CRISPLD2: variants seen among roughly 807,000 people sequenced by gnomAD.
CRISPLD2 encodes cysteine-rich secretory protein LCCL domain-containing 2.
In CRISPLD2, 47 loss-of-function variants were observed where a neutral mutation model predicts 71.1. That is an observed-to-expected ratio of 0.66 (90% CI 0.52 to 0.84). CRISPLD2 has a LOEUF of 0.84. Ranked by LOEUF, CRISPLD2 falls within the 40% of genes least tolerant of loss-of-function variation. The pLI is 0.00. For synonymous variants in CRISPLD2, 317 were observed against 250.1 expected, an observed-to-expected ratio of 1.27 and a Z score of -2.52; for missense variants, 830 against 651.1, an observed-to-expected ratio of 1.27 and a Z score of -2.99.
chr16:84,827,171 G>T (rs1229783548), intron 1 of CRISPLD2, among the ~76,000 whole-genome samples: 1 of 141,300 alleles, frequency 7.1e-6, no homozygotes, highest in East Asian at 2.2e-4. Context: ...GGACTTCTAA[G>T]GGCACAGGCT....
At chr16:84,884,923 A>C (rs16974837) in intron 13 of CRISPLD2, among the ~76,000 whole-genome samples, 4,692 of 152,268 alleles carry the variant, frequency 0.031, 242 homozygotes, top group African/African-American at 0.11. Context: ...AGTTTGTGAC[A>C]CCGAAGGGAT....
At chr16:84,869,884 A>G (rs910070251) in intron 8 of CRISPLD2, among the ~76,000 whole-genome samples, 2 of 152,226 alleles carry the variant, frequency 1.3e-5, no homozygotes, top group Non-Finnish European at 2.9e-5. Flanking sequence ...GTGAGCACGT[A>G]TTGGAGAACA....
intron 14 of CRISPLD2, among the ~76,000 whole-genome samples, chr16:84,905,525 A>G (rs2071793820): frequency 6.6e-6 from 1 of 151,110 alleles, no homozygotes; most frequent in Non-Finnish European, 1.5e-5. Flanking sequence ...TCAACCTTCA[A>G]CTAGCTGGGA....
Position 84,888,508 on chromosome 16 carries a change from C to G in CRISPLD2, c.1306-722C>G, listed in dbSNP as rs150815034. The stretch of plus-strand genomic sequence containing the variant: ...CTGAACTCCTTGATGATGTCAGAAA[C>G]CAGCACATCCTGCCTCTGCGAGGTA... On this transcript the variant is annotated intron_variant, in intron 13 of 14. Coordinates refer to ENST00000262424, the MANE Select transcript of CRISPLD2 (RefSeq NM_031476.4). 5.2e-3 allele frequency among the ~76,000 whole-genome samples: 798 copies of G among 152,334 alleles called. 24 individuals are homozygous for G. The highest frequency in any genetic ancestry group is 0.049 in the Admixed American group (745 of 15,306).
chr16:84,903,462 C>T (rs1038955690), intron 14 of CRISPLD2, among the ~76,000 whole-genome samples: 1 of 152,090 alleles, frequency 6.6e-6, no homozygotes, highest in Non-Finnish European at 1.5e-5. Flanking sequence ...TGTGGTGGCG[C>T]ATGCCTGTAA....
intron 1 of CRISPLD2, among the ~76,000 whole-genome samples, chr16:84,827,264 C>A (rs1255511769): frequency 6.6e-6 from 1 of 152,142 alleles, no homozygotes; most frequent in African/African-American, 2.4e-5. Context: ...TGGTTGAGCA[C>A]CGTGTCTGCG....
chr16:84,900,539 TGGGAGGCATCACACAGC>T (rs2071744381), intron 14 of CRISPLD2, among the ~76,000 whole-genome samples: 14 of 7,262 alleles, frequency 1.9e-3, no homozygotes, highest in East Asian at 0.031. Context: ...CACACAGCGC[TGGGAGGCATCACACAGC>T]GCTGGGAGGC....
intron 1 of CRISPLD2, among the ~76,000 whole-genome samples, chr16:84,823,511 G>C (rs978003311): frequency 1.2e-4 from 19 of 152,168 alleles, no homozygotes; most frequent in African/African-American, 4.1e-4. Context: ...CTTCTCCATG[G>C]GTGCAGGGAA....
rs140101155 is a variant in CRISPLD2 at position 84,909,403 on chromosome 16, T to G, written c.*2761T>G. The G allele has an allele frequency of 1.3e-5, 2 of 152,828 alleles. No homozygotes were observed. The highest frequency in any genetic ancestry group is 3.9e-4 in the East Asian group (2 of 5,192). 9.5% of individuals were successfully genotyped at this position (152,828 alleles called of 1,614,324 possible). A position where few individuals can be genotyped will look rare whatever the true frequency, so the allele number is the denominator to read the frequency against. On this transcript the variant is annotated 3_prime_UTR_variant, in exon 15 of 15. Coordinates refer to ENST00000262424, the MANE Select transcript of CRISPLD2 (RefSeq NM_031476.4). ...GTGCTTTGCATGAACAGGGGCCACG[T>G]TGTTGCAATTGTTTCAGTAGAACTG...
At position 84,880,537 on chromosome 16, in the gene CRISPLD2, G is replaced by A. The variant is rs763668278; in HGVS notation, c.1258G>A (p.Glu420Lys). The A allele has an allele frequency of 7.4e-6, 12 of 1,613,536 alleles. No homozygotes were observed. The highest frequency in any genetic ancestry group is 2.7e-5 in the African/African-American group (2 of 74,862). ...RIHCPAHCKDEPSYWAPVFGT... is the reference protein window; with the variant it reads ...RIHCPAHCKDKPSYWAPVFGT... Reference sequence around the variant, plus strand: ...CCATTGTCCGGCACACTGCAAAGACGAACCTTCCTACTGGGCTCCGGTGTT... The same window carrying A: ...CCATTGTCCGGCACACTGCAAAGACAAACCTTCCTACTGGGCTCCGGTGTT... Residue 420 changes from glutamate (E) to lysine (K), a missense_variant, in exon 13 of 15, where the codon GAA becomes AAA. Physicochemically the swap from Glu to Lys is moderately conservative, Grantham distance 56. Coordinates refer to ENST00000262424, the MANE Select transcript of CRISPLD2 (RefSeq NM_031476.4).
intron 8 of CRISPLD2, among the ~76,000 whole-genome samples, chr16:84,869,922 TC>T (rs138028726): frequency 0.011 from 1,749 of 152,280 alleles, 35 homozygotes; most frequent in African/African-American, 0.039. Flanking sequence ...TCGAGGCAGT[TC>T]CAGAGTTGGG....
At chr16:84,868,380 G>T (rs1027351225) in intron 7 of CRISPLD2, among the ~76,000 whole-genome samples, 3 of 152,166 alleles carry the variant, frequency 2.0e-5, no homozygotes, top group African/African-American at 7.2e-5. Context: ...TTTGCAAAAG[G>T]CATCTTGGCG....
rs1220882756 is a variant in CRISPLD2, at chr16:84,845,267, G to C, written c.241-519G>C. Among the ~76,000 whole-genome samples, 9 of 152,336 alleles carry C rather than the reference G, an allele frequency of 5.9e-5. No homozygotes were observed. In the South Asian group the frequency reaches 1.9e-3, roughly 32 times the overall value. ...GCCCCCTGTTAGAATGCAATGAAAA[G>C]GTTGGGGTAAAGCCCGAGGCCTGGT... On this transcript the variant is annotated intron_variant, in intron 2 of 14. Coordinates refer to ENST00000262424, the MANE Select transcript of CRISPLD2 (RefSeq NM_031476.4).
rs1341599913 is a variant in CRISPLD2, at chr16:84,908,127, G to A, written c.*1485G>A. 1 of 152,220 alleles carries A rather than the reference G, an allele frequency of 6.6e-6. No homozygotes were observed. Among genetic ancestry groups the A allele is most frequent in the East Asian group, 1.9e-4 (1 of 5,196 alleles). The allele number at this position is 152,220 out of a possible 1,614,324, so 9.4% of individuals were successfully genotyped here. A position where few individuals can be genotyped will look rare whatever the true frequency, so the allele number is the denominator to read the frequency against. On this transcript the variant is annotated 3_prime_UTR_variant, in exon 15 of 15. Coordinates refer to ENST00000262424, the MANE Select transcript of CRISPLD2 (RefSeq NM_031476.4). ...ACAAGAAATTCTACCTGGGCACCTA[G>A]GTGATGCCTTCTTTCTTTGATTGCC...
At chr16:84,880,932 C>T (rs1001090275) in intron 13 of CRISPLD2, among the ~76,000 whole-genome samples, 2 of 152,034 alleles carry the variant, frequency 1.3e-5, no homozygotes, top group African/African-American at 2.4e-5. Flanking sequence ...TTCGAACTCC[C>T]AACCTCAGAT....
chr16:84,872,671 A>G (rs1228996343), intron 9 of CRISPLD2, among the ~76,000 whole-genome samples, 163 bp downstream of exon 9: 6 of 152,206 alleles, frequency 3.9e-5, no homozygotes, highest in Non-Finnish European at 8.8e-5. Context: ...CTTACAAACT[A>G]GCAAAGCCAC....
At chr16:84,880,463 G>C (rs746671851) in intron 12 of CRISPLD2, 46 bp from the exon 13 acceptor site, 1 of 1,483,494 alleles carries the variant, frequency 6.7e-7, no homozygotes, top group Non-Finnish European at 9.2e-7. Flanking sequence ...AAGAAGTTTG[G>C]TTTTCTGTGC....
intron 11 of CRISPLD2, 83 bp downstream of exon 11, chr16:84,874,046 A>G: frequency 8.0e-7 from 1 of 1,248,058 alleles, no homozygotes; most frequent in Non-Finnish European, 1.1e-6. Flanking sequence ...TTAGTCGCTG[A>G]TTTAATGTTT....
chr16:84,841,075 C>T (rs769531604), intron 2 of CRISPLD2, among the ~76,000 whole-genome samples: 1 of 152,184 alleles, frequency 6.6e-6, no homozygotes, highest in Admixed American at 6.5e-5. Context: ...ATGTGCCAGG[C>T]ACTGTCCTGG....
Sources: gnomAD v4.1 joint callset for allele counts (sites outside exome capture counted in the v4.1 genomes callset) on GRCh38, gnomAD v4.1.1 for gene constraint, MANE v1.5 for transcripts, NCBI Gene and HGNC (gene_info 2026-07-23, HGNC 2026-07-21) for gene names.